Variants in SCNN1B observed in about 807,000 individuals in gnomAD.
SCNN1B encodes epithelial sodium channel subunit beta.
In SCNN1B, 46 loss-of-function variants were observed where a neutral mutation model predicts 65.3. The observed-to-expected ratio is 0.70, with a 90% CI of 0.56 to 0.90. The LOEUF is 0.90. SCNN1B is among the 40% of genes least tolerant of loss of function. SCNN1B has a pLI of 0.00. For synonymous variants in SCNN1B, 349 were observed against 330.6 expected (o/e 1.06, Z -0.60); for missense variants, 751 against 830.5 (o/e 0.90, Z 1.18).
chr16:23,379,424 G>A (rs1474253224), intron 11 of SCNN1B, among the ~76,000 whole-genome samples: 1 of 152,170 alleles, frequency 6.6e-6, no homozygotes, highest in Non-Finnish European at 1.5e-5. Flanking sequence ...CAGTCTGCCT[G>A]AGAGATAAGG....
chr16:23,346,200 C>CTTTTTTTTTTTTTT lies in SCNN1B; in HGVS notation c.-8-2376_-8-2363dup, dbSNP rs753802362. On this transcript the variant is annotated intron_variant, in intron 1 of 12. Coordinates refer to ENST00000343070, the MANE Select transcript of SCNN1B (RefSeq NM_000336.3). ...CCATGGAACACCCTTTTTTCCTTTT[C>CTTTTTTTTTTTTTT]TTTTTTTTTTTTTTTTTTTTTTTTT... is the stretch of plus-strand genomic sequence containing the variant. Among the ~76,000 whole-genome samples the CTTTTTTTTTTTTTT allele has an allele frequency of 8.7e-4, 68 of 78,010 alleles. 15 individuals carry two copies. The highest frequency in any genetic ancestry group is 3.3e-3 in the African/African-American group (52 of 15,736). The allele number at this position is 78,010 out of a possible 152,430, so 51.2% of individuals were successfully genotyped here. A position where few individuals can be genotyped will look rare whatever the true frequency, so the allele number is the denominator to read the frequency against.
At chr16:23,332,974 G>A (rs944953624) in intron 1 of SCNN1B, among the ~76,000 whole-genome samples, 2 of 152,146 alleles carry the variant, frequency 1.3e-5, no homozygotes, top group Non-Finnish European at 2.9e-5. Context: ...GGGAGGTTGA[G>A]GCAGGAGAAT....
chr16:23,313,926 A>G (rs1327377542), intron 1 of SCNN1B, among the ~76,000 whole-genome samples: 1 of 152,064 alleles, frequency 6.6e-6, no homozygotes, highest in Non-Finnish European at 1.5e-5. Flanking sequence ...TTTTTTAAGT[A>G]TGACTACATG....
chr16:23,340,735 G>A (rs1303435430), intron 1 of SCNN1B, among the ~76,000 whole-genome samples: 2 of 152,106 alleles, frequency 1.3e-5, no homozygotes, highest in Non-Finnish European at 2.9e-5. Flanking sequence ...TGGCAAATTT[G>A]TAGGTCTATC....
At chr16:23,364,031 G>A (rs149001940) in intron 4 of SCNN1B, among the ~76,000 whole-genome samples, 1,540 of 151,984 alleles carry the variant, frequency 0.01, 15 homozygotes, top group Non-Finnish European at 0.015. Flanking sequence ...GCCAGGCGTG[G>A]TGGCGCATAC....
chr16:23,289,158 C>T (rs570242495), intron 2 of SCNN1B, among the ~76,000 whole-genome samples: 22 of 152,186 alleles, frequency 1.4e-4, no homozygotes, highest in Non-Finnish European at 2.8e-4. Context: ...TAGAGCCTAC[C>T]GGCCACACCT....
rs113833144 is a variant in SCNN1B, at chr16:23,279,074, G to GGTGT, written n.110+754_110+757dup. 3.2e-3 allele frequency among the ~76,000 whole-genome samples: 413 copies of GGTGT among 128,352 alleles called. 5 individuals carry two copies. Among genetic ancestry groups the GGTGT allele is most frequent in the African/African-American group, 0.016 (378 of 23,770 alleles). 84.2% of individuals were successfully genotyped at this position (128,352 alleles called of 152,430 possible). A position where few individuals can be genotyped will look rare whatever the true frequency, so the allele number is the denominator to read the frequency against. On this transcript the variant is annotated intron_variant and non_coding_transcript_variant, in intron 1 of 3. Transcript: ENST00000569789. ...TGGTCTGAAAATTTTGTGTGTGTGG[G>GGTGT]GTGTGTGTGTGTGTGTGTGTGTGAT...
chr16:23,349,747 T>C (rs1448093505), intron 2 of SCNN1B, among the ~76,000 whole-genome samples: 1 of 152,092 alleles, frequency 6.6e-6, no homozygotes, highest in East Asian at 1.9e-4. Context: ...AGAGCAAACA[T>C]GCCCCACAAA....
chr16:23,335,583 A>T (rs1362140942), intron 1 of SCNN1B, among the ~76,000 whole-genome samples: 1 of 151,782 alleles, frequency 6.6e-6, no homozygotes, highest in Non-Finnish European at 1.5e-5. Flanking sequence ...AATAGCTGGG[A>T]TTACAGGTGT....
intron 2 of SCNN1B, among the ~76,000 whole-genome samples, chr16:23,351,247 A>G (rs944018917): frequency 6.6e-6 from 1 of 152,204 alleles, no homozygotes; most frequent in Non-Finnish European, 1.5e-5. Context: ...GCACTGATCC[A>G]TGCATTTTAT....
chr16:23,342,395 G>A (rs548530070), intron 1 of SCNN1B, among the ~76,000 whole-genome samples: 32 of 152,268 alleles, frequency 2.1e-4, no homozygotes, highest in African/African-American at 7.2e-4. Context: ...TTACAGGCAC[G>A]TGCCACCACA....
intron 4 of SCNN1B, among the ~76,000 whole-genome samples, chr16:23,366,894 C>T (rs1962680637): frequency 6.6e-6 from 1 of 152,224 alleles, no homozygotes; most frequent in Admixed American, 6.5e-5. Flanking sequence ...AAGCTGCTTA[C>T]TTTGGAGACT....
At chr16:23,334,305 G>A (rs1961890476) in intron 1 of SCNN1B, among the ~76,000 whole-genome samples, 1 of 152,338 alleles carries the variant, frequency 6.6e-6, no homozygotes, top group Admixed American at 6.5e-5. Context: ...GCATGACATT[G>A]CTGTAAATTC....
chr16:23,318,889 C>G (rs1961528281), intron 1 of SCNN1B, among the ~76,000 whole-genome samples: 1 of 152,240 alleles, frequency 6.6e-6, no homozygotes, highest in Non-Finnish European at 1.5e-5. Context: ...CCAGATCAAG[C>G]TGGTACTTGA....
intron 1 of SCNN1B, among the ~76,000 whole-genome samples, chr16:23,334,615 C>T (rs1961898494): frequency 6.6e-6 from 1 of 152,218 alleles, no homozygotes; most frequent in South Asian, 2.1e-4. Context: ...TGCTTTGCTT[C>T]CTCAGCTCTT....
intron 1 of SCNN1B, among the ~76,000 whole-genome samples, chr16:23,326,372 A>T (rs762336545): frequency 2.0e-5 from 3 of 152,206 alleles, no homozygotes; most frequent in Non-Finnish European, 4.4e-5. Flanking sequence ...CCCAGAGATA[A>T]TCATTATAAA....
chr16:23,367,991 A>C, intron 5 of SCNN1B, 32 bp downstream of exon 5: 1 of 1,525,648 alleles, frequency 6.6e-7, no homozygotes, highest in South Asian at 1.1e-5. Flanking sequence ...GGCCAGAGCC[A>C]TGAGGCTTTA....
chr16:23,305,305 T>A (rs1961171190), intron 1 of SCNN1B, among the ~76,000 whole-genome samples: 1 of 151,516 alleles, frequency 6.6e-6, no homozygotes, highest in African/African-American at 2.4e-5. Context: ...CCCAAGATTT[T>A]AAAAATCAGT....
intron 1 of SCNN1B, among the ~76,000 whole-genome samples, chr16:23,328,883 A>T (rs1388428962): frequency 7.0e-6 from 1 of 142,354 alleles, no homozygotes; most frequent in African/African-American, 2.6e-5. Flanking sequence ...GCAGCCTTGA[A>T]CTCCTGGACT....
Sources: gnomAD v4.1 joint callset for allele counts (sites outside exome capture counted in the v4.1 genomes callset) on GRCh38, gnomAD v4.1.1 for gene constraint, MANE v1.5 for transcripts, NCBI Gene and HGNC (gene_info 2026-07-23, HGNC 2026-07-21) for gene names.